KMT2C: variants seen among roughly 807,000 people sequenced by gnomAD.
KMT2C encodes the protein lysine methyltransferase 2C.
In KMT2C, 88 loss-of-function variants were observed where a neutral mutation model predicts 507.9. The ratio of observed to expected loss-of-function variants is 0.17; its 90% confidence interval spans 0.15 to 0.21. KMT2C has a LOEUF of 0.21. Among genes scored for constraint, KMT2C ranks in the 10% least tolerant of loss-of-function variants. The pLI is 1.00. For missense variants in KMT2C, 4,954 were observed against 5,957.8 expected, an observed-to-expected ratio of 0.83 and a Z score of 5.55; for synonymous variants, 2,049 against 2,080.8, an observed-to-expected ratio of 0.98 and a Z score of 0.42.
intron 3 of KMT2C, among the ~76,000 whole-genome samples, chr7:152,324,293 C>T (rs997622903): frequency 6.7e-5 from 10 of 149,098 alleles, no homozygotes; most frequent in Admixed American, 2.7e-4. Context: ...TGGCAAAAAC[C>T]GCAATCACTT....
intron 31 of KMT2C, among the ~76,000 whole-genome samples, chr7:152,191,613 A>G (rs982398687): frequency 2.6e-5 from 4 of 152,200 alleles, no homozygotes; most frequent in East Asian, 1.9e-4. Flanking sequence ...AGCAAAACAC[A>G]TAAGTGATCA....
chr7:152,367,425 G>A (rs2097256495), intron 1 of KMT2C: 4 of 702,550 alleles, frequency 5.7e-6, no homozygotes, highest in South Asian at 3.3e-5. Flanking sequence ...GCCTTATTTC[G>A]CAGGCTGGTC....
chr7:152,386,796 G>C (rs112608821), intron 1 of KMT2C, among the ~76,000 whole-genome samples: 1 of 152,190 alleles, frequency 6.6e-6, no homozygotes, highest in Admixed American at 6.5e-5. Context: ...CTATTCAACA[G>C]TTGAGGAAAC....
intron 1 of KMT2C, among the ~76,000 whole-genome samples, chr7:152,361,531 C>T (rs2097197789): frequency 6.6e-6 from 1 of 151,908 alleles, no homozygotes; most frequent in African/African-American, 2.4e-5. Flanking sequence ...CCATTGCACT[C>T]CAGCCTGGGC....
intron 14 of KMT2C, among the ~76,000 whole-genome samples, chr7:152,243,943 T>G (rs2095428048): frequency 6.6e-6 from 1 of 152,186 alleles, no homozygotes; most frequent in African/African-American, 2.4e-5. Flanking sequence ...ATTCAATATC[T>G]TTCTATAAGA....
intron 6 of KMT2C, among the ~76,000 whole-genome samples, chr7:152,274,159 T>A (rs1169001242): frequency 6.6e-6 from 1 of 152,168 alleles, no homozygotes; most frequent in East Asian, 1.9e-4. Flanking sequence ...AGATTTTTTT[T>A]TAAAGCAAAT....
intron 6 of KMT2C, among the ~76,000 whole-genome samples, chr7:152,296,792 G>A (rs1480868643): frequency 6.6e-6 from 1 of 151,762 alleles, no homozygotes; most frequent in Admixed American, 6.6e-5. Context: ...TGACCAAGAT[G>A]GAGTCACAGA....
intron 6 of KMT2C, among the ~76,000 whole-genome samples, chr7:152,297,005 GAA>G (rs2096507529): frequency 1.8e-5 from 1 of 56,476 alleles, no homozygotes; most frequent in African/African-American, 1.0e-4. Flanking sequence ...GAAAAAGAAA[GAA>G]AGAAAGAAAG....
intron 1 of KMT2C, among the ~76,000 whole-genome samples, chr7:152,404,630 T>TGAAAAAAA (rs113947433): frequency 2.9e-4 from 16 of 55,886 alleles, no homozygotes; most frequent in Non-Finnish European, 7.3e-4. Context: ...GACTCAGGTC[T>TGAAAAAAA]CAAAAAAAAA....
intron 1 of KMT2C, among the ~76,000 whole-genome samples, chr7:152,392,163 G>A (rs917003819): frequency 1.3e-5 from 2 of 151,894 alleles, no homozygotes; most frequent in Non-Finnish European, 2.9e-5. Context: ...AAGTTACCAT[G>A]CAAAAAAATA....
rs973984407 is a variant in KMT2C at position 152,304,669 on chromosome 7, T to C, written c.849+5297A>G. ...GAAAATAGAGCTAGGTATCAGAATATACTCAGCTACATAATAAAGGTCAGC... is the reference window on the plus strand; with the variant it reads ...GAAAATAGAGCTAGGTATCAGAATACACTCAGCTACATAATAAAGGTCAGC... On this transcript the variant is annotated intron_variant, in intron 6 of 58. Transcript: ENST00000262189. Among the ~76,000 whole-genome samples, 3 of 152,186 alleles carry C rather than the reference T, an allele frequency of 2.0e-5. No homozygotes were observed. In the South Asian group the frequency reaches 6.2e-4, roughly 31 times the overall value.
At position 152,288,058 on chromosome 7, in the gene KMT2C, A is replaced by G. The variant is rs565308442; in HGVS notation, c.850-14191T>C. Among the ~76,000 whole-genome samples the G allele has an allele frequency of 2.1e-4, 31 of 150,708 alleles. 1 individual carries two copies. In the South Asian group the frequency reaches 6.2e-3, roughly 30 times the overall value. ...AAAAAAAAAAAAAGCAATTACAAACATACTTTTGAAACAAAGGAAACAATA... is the reference window on the plus strand; with the variant it reads ...AAAAAAAAAAAAAGCAATTACAAACGTACTTTTGAAACAAAGGAAACAATA... On this transcript the variant is annotated intron_variant, in intron 6 of 58. Coordinates refer to ENST00000262189, the MANE Select transcript of KMT2C (RefSeq NM_170606.3).
chr7:152,162,005 T>C, intron 43 of KMT2C, 112 bp downstream of exon 43: 1 of 1,251,186 alleles, frequency 8.0e-7, no homozygotes. Context: ...AATGGTCCTT[T>C]AGAATAAAAA....
At position 152,182,494 on chromosome 7, in the gene KMT2C, C is replaced by G. The variant is rs199516845; in HGVS notation, c.5366G>C (p.Gly1789Ala). 1 of 1,613,882 alleles carries G rather than the reference C, an allele frequency of 6.2e-7. No homozygotes were observed. The highest frequency in any genetic ancestry group is 8.5e-7 in the Non-Finnish European group (1 of 1,179,930). Residue 1789 changes from glycine to alanine, a missense_variant, in exon 36 of 59, where the codon GGT becomes GCT. Coordinates refer to ENST00000262189, the MANE Select transcript of KMT2C (RefSeq NM_170606.3). The part of the protein sequence containing the change: ...EQQQQQQQQF[G>A]SQHLLVQSGS... ...AGACTGCACCAGAAGATGCTGAGAA[C>G]CAAATTGCTGTTGTTGCTGCTGCTG... is the stretch of plus-strand genomic sequence containing the variant.
intron 4 of KMT2C, chr7:152,312,442 T>C (rs1237550166): frequency 6.6e-6 from 1 of 152,124 alleles, no homozygotes; most frequent in Non-Finnish European, 1.5e-5. Context: ...CACTACAGAG[T>C]GTGAAAACAG....
chr7:152,413,899 A>T (rs2097706918), intron 1 of KMT2C, among the ~76,000 whole-genome samples: 1 of 150,370 alleles, frequency 6.7e-6, no homozygotes, highest in Admixed American at 6.7e-5. Context: ...AAAAAAAAAA[A>T]ATTTACAAAA....
At chr7:152,141,127 C>A (rs562820766) in intron 55 of KMT2C, among the ~76,000 whole-genome samples, 1 of 152,050 alleles carries the variant, frequency 6.6e-6, no homozygotes, top group Non-Finnish European at 1.5e-5. Context: ...GTAATTCCAG[C>A]TACTAGGGAG....
At chr7:152,366,386 T>C (rs765499474) in intron 1 of KMT2C, among the ~76,000 whole-genome samples, 2 of 152,152 alleles carry the variant, frequency 1.3e-5, no homozygotes, top group Non-Finnish European at 2.9e-5. Context: ...AGTATGTCTA[T>C]GGTGGAATAC....
intron 14 of KMT2C, among the ~76,000 whole-genome samples, chr7:152,244,228 G>A (rs2095433035): frequency 6.6e-6 from 1 of 152,148 alleles, no homozygotes; most frequent in Admixed American, 6.5e-5. Context: ...CGCTTTCAGG[G>A]TTACAGTTAA....
Sources: gnomAD v4.1 joint callset for allele counts (sites outside exome capture counted in the v4.1 genomes callset) on GRCh38, gnomAD v4.1.1 for gene constraint, MANE v1.5 for transcripts, NCBI Gene and HGNC (gene_info 2026-07-23, HGNC 2026-07-21) for gene names.